Variants in ANKIB1 observed in about 807,000 individuals in gnomAD.
ANKIB1 encodes the protein ankyrin repeat and IBR domain containing 1.
ANKIB1 carries 43 observed loss-of-function variants against 122.1 expected under a neutral mutation model. That is an observed-to-expected ratio of 0.35 (90% CI 0.28 to 0.45). ANKIB1 has a LOEUF of 0.45. Among genes scored for constraint, ANKIB1 ranks in the 20% least tolerant of loss-of-function variants. The probability of loss-of-function intolerance (pLI) is 1.00; values close to 1 mark genes in which losing one functional copy is unlikely to be tolerated. For synonymous variants in ANKIB1, 390 were observed against 442.0 expected, an observed-to-expected ratio of 0.88 and a Z score of 1.48; for missense variants, 992 against 1,329.5, an observed-to-expected ratio of 0.75 and a Z score of 3.95.
intron 10 of ANKIB1, among the ~76,000 whole-genome samples, chr7:92,370,957 A>G (rs1406708660): frequency 6.6e-6 from 1 of 152,176 alleles, no homozygotes; most frequent in Non-Finnish European, 1.5e-5. Context: ...AATAAATGAG[A>G]TGCTTAGTTT....
At chr7:92,259,236 G>A (rs1461870068) in intron 1 of ANKIB1, among the ~76,000 whole-genome samples, 2 of 152,152 alleles carry the variant, frequency 1.3e-5, no homozygotes, top group African/African-American at 2.4e-5. Context: ...GATTACAGGC[G>A]TGAGCCACTG....
chr7:92,330,617 C>T (rs556529822), intron 5 of ANKIB1, among the ~76,000 whole-genome samples: 45 of 152,050 alleles, frequency 3.0e-4, no homozygotes, highest in South Asian at 8.3e-4. Flanking sequence ...CCGAGGTGGG[C>T]GGATCATGAG....
intron 2 of ANKIB1, among the ~76,000 whole-genome samples, chr7:92,300,765 A>T (rs1258529521): frequency 2.0e-5 from 3 of 152,092 alleles, no homozygotes; most frequent in Non-Finnish European, 2.9e-5. Flanking sequence ...ATAATTATTA[A>T]CTATAGTTAC....
intron 9 of ANKIB1, among the ~76,000 whole-genome samples, chr7:92,359,011 G>A (rs1315132896): frequency 6.6e-6 from 1 of 152,066 alleles, no homozygotes; most frequent in African/African-American, 2.4e-5. Context: ...GTTATCACAG[G>A]TATCCCTTAC....
chr7:92,292,772 T>C (rs2131917027), intron 1 of ANKIB1, among the ~76,000 whole-genome samples: 1 of 152,352 alleles, frequency 6.6e-6, no homozygotes, highest in South Asian at 2.1e-4. Flanking sequence ...TATACATGTT[T>C]ATGTTGTGTA....
chr7:92,370,369 G>A (rs1327893782), intron 10 of ANKIB1, among the ~76,000 whole-genome samples: 3 of 151,580 alleles, frequency 2.0e-5, no homozygotes, highest in Admixed American at 6.6e-5. Flanking sequence ...TTAGCCAGGC[G>A]TGGTGGCAGG....
chr7:92,400,550 T>C lies in ANKIB1; in HGVS notation c.*1601T>C, dbSNP rs544552195. 6.6e-6 allele frequency: 1 copy of C among 152,356 alleles called. No individual in the cohort carries two copies. The highest frequency in any genetic ancestry group is 6.5e-5 in the Admixed American group (1 of 15,310). The allele number at this position is 152,356 out of a possible 1,614,324, so 9.4% of individuals were successfully genotyped here. A position where few individuals can be genotyped will look rare whatever the true frequency, so the allele number is the denominator to read the frequency against. ...TGGGTAAAAAGTTATATTAATATTG[T>C]TATCCACAAGAGATGTGATTATGGG... On this transcript the variant is annotated 3_prime_UTR_variant, in exon 20 of 20. Transcript: ENST00000265742.
At chr7:92,376,459 T>TTA (rs1804384402) in intron 11 of ANKIB1, among the ~76,000 whole-genome samples, 1 of 151,248 alleles carries the variant, frequency 6.6e-6, no homozygotes, top group Admixed American at 6.6e-5. Flanking sequence ...TTTATTTTTT[T>TTA]TTTTTTTGAG....
intron 1 of ANKIB1, among the ~76,000 whole-genome samples, chr7:92,278,373 G>A (rs1339655981): frequency 6.6e-6 from 1 of 152,198 alleles, no homozygotes; most frequent in African/African-American, 2.4e-5. Context: ...TCAGCAGTCG[G>A]TTTGAGTTCA....
intron 10 of ANKIB1, among the ~76,000 whole-genome samples, chr7:92,371,141 A>G (rs1041076778): frequency 1.3e-5 from 2 of 151,710 alleles, no homozygotes; most frequent in Non-Finnish European, 2.9e-5. Context: ...ATTTTCTGTG[A>G]TACAATAGTT....
intron 10 of ANKIB1, among the ~76,000 whole-genome samples, chr7:92,362,948 C>T (rs1359296268): frequency 3.9e-5 from 6 of 151,912 alleles, no homozygotes; most frequent in Non-Finnish European, 8.8e-5. Flanking sequence ...CCACATTTAA[C>T]AGAGAAATCT....
chr7:92,328,001 G>C (rs1803064525), intron 5 of ANKIB1, 101 bp downstream of exon 5: 1 of 744,166 alleles, frequency 1.3e-6, no homozygotes, highest in African/African-American at 1.9e-5. Context: ...AGAACAAAAT[G>C]GTTTGTTAAA....
intron 1 of ANKIB1, among the ~76,000 whole-genome samples, chr7:92,292,859 G>A (rs1396658343): frequency 2.0e-5 from 3 of 152,086 alleles, no homozygotes; most frequent in Non-Finnish European, 4.4e-5. Flanking sequence ...AATGCTACCA[G>A]TGGTTTTCTT....
At chr7:92,286,411 GC>G (rs1337070516) in intron 1 of ANKIB1, among the ~76,000 whole-genome samples, 1 of 151,930 alleles carries the variant, frequency 6.6e-6, no homozygotes, top group Non-Finnish European at 1.5e-5. Context: ...TCTTGGTGTG[GC>G]CTTTCTATTT....
At chr7:92,295,200 TATTA>T in intron 2 of ANKIB1, 34 bp downstream of exon 2, 1 of 1,402,274 alleles carries the variant, frequency 7.1e-7, no homozygotes, top group South Asian at 1.7e-5. Context: ...GGTATTAGGG[TATTA>T]CCGTAAACTA....
At chr7:92,319,976 A>G (rs1802871859) in intron 4 of ANKIB1, 1 of 153,540 alleles carries the variant, frequency 6.5e-6, no homozygotes, top group Admixed American at 6.5e-5. Flanking sequence ...GGAAACCTGG[A>G]GCTATGGGTC....
intron 12 of ANKIB1, among the ~76,000 whole-genome samples, 182 bp downstream of exon 12, chr7:92,386,825 C>T (rs181949915): frequency 2.0e-5 from 3 of 152,094 alleles, no homozygotes; most frequent in Admixed American, 2.0e-4. Flanking sequence ...TTACATTTTC[C>T]TTTTTTTAAT....
At chr7:92,296,673 C>A (rs1356747563) in intron 2 of ANKIB1, among the ~76,000 whole-genome samples, 1 of 152,096 alleles carries the variant, frequency 6.6e-6, no homozygotes, top group Non-Finnish European at 1.5e-5. Context: ...TGTATAGCTT[C>A]TCTCTGCCTA....
intron 11 of ANKIB1, among the ~76,000 whole-genome samples, chr7:92,384,004 C>G (rs1490469215): frequency 2.0e-5 from 3 of 152,136 alleles, no homozygotes; most frequent in Non-Finnish European, 2.9e-5. Flanking sequence ...CATCTCAGCC[C>G]AAAATCTGCT....
Sources: gnomAD v4.1 joint callset for allele counts (sites outside exome capture counted in the v4.1 genomes callset) on GRCh38, gnomAD v4.1.1 for gene constraint, MANE v1.5 for transcripts, NCBI Gene and HGNC (gene_info 2026-07-23, HGNC 2026-07-21) for gene names.